The following SYNDIG1L variants were observed in gnomAD, a reference collection of about 807,000 sequenced individuals.
SYNDIG1L encodes synapse differentiation-inducing gene protein 1-like.
SYNDIG1L carries 13 observed loss-of-function variants against 20.1 expected under a neutral mutation model. The ratio of observed to expected loss-of-function variants is 0.65; its 90% CI spans 0.42 to 1.03. SYNDIG1L has a LOEUF of 1.03. Among genes scored for constraint, SYNDIG1L ranks in the 50% least tolerant of loss-of-function variants. The probability of loss-of-function intolerance (pLI) is 0.00; values close to 1 mark genes in which losing one functional copy is unlikely to be tolerated. For missense variants in SYNDIG1L, 294 were observed against 305.1 expected (o/e 0.96, Z 0.27); for synonymous variants, 128 against 129.3 (o/e 0.99, Z 0.07).
chr14:74,471,233 C>T, the SYNDIG1L span, among the ~76,000 whole-genome samples: 7 of 152,146 alleles, frequency 4.6e-5, no homozygotes, highest in African/African-American at 1.7e-4. Context: ...TCTCGATCCT[C>T]TGCAGAGAGA....
At position 74,409,553 on chromosome 14, in the gene SYNDIG1L, C is replaced by G. The variant is rs763735882; in HGVS notation, c.192G>C (p.Val64=). Residue 64 remains valine, a synonymous_variant, in exon 2 of 4, where the codon GTG becomes GTC. Transcript: ENST00000331628. ...GGCAGCTGGGCCGGTACCAGGCCTCCACGGCCAGCTGCAGGGACCCTGGGT... is the reference window on the plus strand; with the variant it reads ...GGCAGCTGGGCCGGTACCAGGCCTCGACGGCCAGCTGCAGGGACCCTGGGT... ...LLDPGSLQLA[V]EAWYRPSCLL... is the part of the protein sequence containing the mutation. 6.5e-7 allele frequency: 1 copy of G among 1,543,740 alleles called. No individual in the cohort carries two copies. The highest frequency in any genetic ancestry group is 8.7e-7 in the Non-Finnish European group (1 of 1,146,012).
chr14:74,445,667 G>A, the SYNDIG1L span, among the ~76,000 whole-genome samples: 5 of 152,106 alleles, frequency 3.3e-5, no homozygotes, highest in Non-Finnish European at 7.3e-5. Flanking sequence ...AATAGAGACA[G>A]GGTTTCACTA....
At chr14:74,477,933 C>T in the SYNDIG1L span, among the ~76,000 whole-genome samples, 1 of 152,198 alleles carries the variant, frequency 6.6e-6, no homozygotes, top group Non-Finnish European at 1.5e-5. Context: ...TAGAAGACGA[C>T]CTTTCAAACT....
At chr14:74,410,566 C>T (rs958595458) in intron 1 of SYNDIG1L, among the ~76,000 whole-genome samples, 1 of 151,994 alleles carries the variant, frequency 6.6e-6, no homozygotes, top group South Asian at 2.1e-4. Flanking sequence ...CATTAGGGGG[C>T]CTTTGCTATG....
At chr14:74,422,349 G>T (rs1244789532) in intron 1 of SYNDIG1L, among the ~76,000 whole-genome samples, 1 of 152,094 alleles carries the variant, frequency 6.6e-6, no homozygotes, top group Non-Finnish European at 1.5e-5. Context: ...TGCAGCAGAG[G>T]GGACCTTGCC....
chr14:74,425,387 TG>T (rs766091069), intron 1 of SYNDIG1L, among the ~76,000 whole-genome samples: 24 of 152,290 alleles, frequency 1.6e-4, no homozygotes, highest in Middle Eastern at 3.4e-3. Context: ...CCTGAAGAAA[TG>T]GGTTAATCCA....
the SYNDIG1L span, among the ~76,000 whole-genome samples, chr14:74,440,662 G>T: frequency 1.3e-5 from 2 of 152,030 alleles, no homozygotes; most frequent in East Asian, 3.8e-4. Flanking sequence ...TCCAGCCTGG[G>T]GGACACAGCG....
rs376012970 is a variant in SYNDIG1L, at chr14:74,407,525, C to G, written c.*10G>C. The G allele has an allele frequency of 6.2e-6, 10 of 1,613,282 alleles. No homozygotes were observed. In the Admixed American group the frequency reaches 8.3e-5, roughly 13 times the overall value. ...GGGCAGGGGAGTCAGGATGCAGGCC[C>G]TACTGGCTACTAGCCATGACCGTTC... On this transcript the variant is annotated 3_prime_UTR_variant, in exon 4 of 4. Transcript: ENST00000331628.
the SYNDIG1L span, among the ~76,000 whole-genome samples, chr14:74,454,498 A>G: frequency 6.6e-6 from 1 of 152,244 alleles, no homozygotes; most frequent in Non-Finnish European, 1.5e-5. Context: ...TCTAGTGGCC[A>G]GAGAGCAGCC....
rs2086263865 is a variant in SYNDIG1L, at chr14:74,426,142, T to A, written c.-288A>T. 1 of 146,424 alleles carries A rather than the reference T, an allele frequency of 6.8e-6. No homozygotes were observed. Among genetic ancestry groups the A allele is most frequent in the African/African-American group, 2.5e-5 (1 of 40,146 alleles). 9.1% of individuals were successfully genotyped at this position (146,424 alleles called of 1,614,324 possible). A position where few individuals can be genotyped will look rare whatever the true frequency, so the allele number is the denominator to read the frequency against. ...GCGCGGTCCCGGGAGCCCCGCATCC[T>A]GGCCGGGCCCCGCCGCCGCCGCCGC... On this transcript the variant is annotated 5_prime_UTR_variant, in exon 1 of 4. Coordinates refer to ENST00000331628, the MANE Select transcript of SYNDIG1L (RefSeq NM_001105579.2).
At chr14:74,438,683 C>T in the SYNDIG1L span, among the ~76,000 whole-genome samples, 1 of 152,186 alleles carries the variant, frequency 6.6e-6, no homozygotes, top group Non-Finnish European at 1.5e-5. Context: ...TCTTACATTT[C>T]CTAACACCCA....
chr14:74,431,187 G>C (rs899182225), upstream of SYNDIG1L, among the ~76,000 whole-genome samples: 1 of 152,112 alleles, frequency 6.6e-6, no homozygotes, highest in Non-Finnish European at 1.5e-5. Context: ...GCTAAGACCA[G>C]GACCCAGGAC....
intron 1 of SYNDIG1L, among the ~76,000 whole-genome samples, chr14:74,422,567 G>A (rs765179734): frequency 6.6e-5 from 10 of 151,696 alleles, no homozygotes; most frequent in Non-Finnish European, 1.5e-4. Context: ...AGATATCTCT[G>A]GATATTCTCT....
chr14:74,440,112 GCTCAC>G, the SYNDIG1L span, among the ~76,000 whole-genome samples: 1 of 152,046 alleles, frequency 6.6e-6, no homozygotes, highest in Admixed American at 6.5e-5. Context: ...GGGCGCGGTG[GCTCAC>G]GTCTGTAATC....
At position 74,407,277 on chromosome 14, in the gene SYNDIG1L, G is replaced by C; in HGVS notation, c.*258C>G. ...CTAGGCCCTGCTGGGATGGCCTGGT[G>C]GGCAGCCCTGCCTTCTGTTTCCCGT... is the stretch of plus-strand genomic sequence containing the variant. On this transcript the variant is annotated 3_prime_UTR_variant, in exon 4 of 4. Transcript: ENST00000331628. 1.8e-6 allele frequency: 1 copy of C among 561,512 alleles called. No individual in the cohort carries two copies. The highest frequency in any genetic ancestry group is 3.2e-5 in the East Asian group (1 of 31,744). 34.8% of individuals were successfully genotyped at this position (561,512 alleles called of 1,614,324 possible).
the SYNDIG1L span, among the ~76,000 whole-genome samples, chr14:74,440,102 G>A: frequency 6.6e-6 from 1 of 151,744 alleles, no homozygotes; most frequent in Non-Finnish European, 1.5e-5. Flanking sequence ...ATCTCGGGCT[G>A]GGCGCGGTGG....
At chr14:74,426,382 C>T (rs1296957421), upstream of SYNDIG1L, among the ~76,000 whole-genome samples, 3 of 151,812 alleles carry the variant, frequency 2.0e-5, no homozygotes, top group Non-Finnish European at 4.4e-5. Context: ...GAGGAGGCGG[C>T]GAAGCGAGGG....
chr14:74,434,983 G>A, the SYNDIG1L span, among the ~76,000 whole-genome samples: 2 of 150,436 alleles, frequency 1.3e-5, no homozygotes, highest in African/African-American at 2.4e-5. Context: ...CTCGGGAGGC[G>A]GAGGCAGGAG....
At chr14:74,411,409 G>T (rs2086129771) in intron 1 of SYNDIG1L, among the ~76,000 whole-genome samples, 1 of 152,164 alleles carries the variant, frequency 6.6e-6, no homozygotes, top group East Asian at 1.9e-4. Flanking sequence ...CTTCTAGCAG[G>T]TCTCTGCTAA....
Sources: allele counts gnomAD v4.1 joint callset (sites outside exome capture counted in the v4.1 genomes callset), GRCh38; gene constraint gnomAD v4.1.1; transcripts MANE v1.5; gene names NCBI Gene and HGNC (gene_info 2026-07-23, HGNC 2026-07-21).